The following RLIG1 variants were observed in gnomAD, a reference collection of about 807,000 sequenced individuals.
RLIG1 encodes RNA ligase 1.
chr12:88,043,633 A>G, the RLIG1 span: 1 of 1,612,460 alleles, frequency 6.2e-7, no homozygotes, highest in Non-Finnish European at 8.5e-7. Context: ...ACTTCAAACC[A>G]GCTCCGGAGT....
the RLIG1 span, among the ~76,000 whole-genome samples, chr12:88,040,795 G>T: frequency 9.4e-5 from 3 of 31,794 alleles, no homozygotes; most frequent in Non-Finnish European, 2.8e-4. Context: ...ACGGAAAAGA[G>T]ATTTTTTTTT....
the RLIG1 span, chr12:88,050,106 A>G: frequency 6.4e-6 from 2 of 312,368 alleles, no homozygotes; most frequent in East Asian, 1.3e-4. Flanking sequence ...ACTTAAGAAC[A>G]TACTAATGGC....
At chr12:88,049,845 AGTT>A in the RLIG1 span, 4 of 156,966 alleles carry the variant, frequency 2.5e-5, no homozygotes, top group African/African-American at 9.6e-5. Context: ...TTTTTTATAA[AGTT>A]ATTAATATGA....
the RLIG1 span, chr12:88,041,735 T>C: frequency 6.6e-6 from 1 of 152,234 alleles, no homozygotes; most frequent in Admixed American, 6.5e-5. Flanking sequence ...AATCTGGTTC[T>C]TCATATTATT....
chr12:88,038,678 A>G, the RLIG1 span, among the ~76,000 whole-genome samples: 2 of 152,278 alleles, frequency 1.3e-5, no homozygotes, highest in South Asian at 2.1e-4. Context: ...CAGATAATAT[A>G]TTTTCCTAAG....
chr12:88,046,993 C>A, the RLIG1 span: 1 of 1,584,764 alleles, frequency 6.3e-7, no homozygotes, highest in Non-Finnish European at 8.6e-7. Context: ...GCAAAAATAG[C>A]TCCGGTGGGG....
chr12:88,042,778 T>C, the RLIG1 span: 1 of 1,219,074 alleles, frequency 8.2e-7, no homozygotes, highest in Non-Finnish European at 1.1e-6. Context: ...TCTTTCAAGA[T>C]AAGTTTTGTT....
the RLIG1 span, among the ~76,000 whole-genome samples, chr12:88,037,842 T>C: frequency 6.6e-6 from 1 of 152,206 alleles, no homozygotes; most frequent in East Asian, 1.9e-4. Flanking sequence ...AGAAGTGGCA[T>C]AAGTCTTTTT....
chr12:88,049,402 T>A, the RLIG1 span: 1 of 1,459,958 alleles, frequency 6.8e-7, no homozygotes, highest in Non-Finnish European at 9.4e-7. Flanking sequence ...TTTTTCAGCT[T>A]CTTTATTTCC....
chr12:88,037,291 AGAGGGC>A, the RLIG1 span, among the ~76,000 whole-genome samples: 4 of 152,192 alleles, frequency 2.6e-5, no homozygotes, highest in Non-Finnish European at 4.4e-5. Flanking sequence ...CAGAAATTGT[AGAGGGC>A]CACTCAATTG....
the RLIG1 span, chr12:88,048,402 G>C: frequency 1.4e-6 from 2 of 1,462,750 alleles, no homozygotes; most frequent in Non-Finnish European, 1.9e-6. Flanking sequence ...TAGACTCAAA[G>C]ATATAATATT....
At chr12:88,038,186 A>G in the RLIG1 span, among the ~76,000 whole-genome samples, 36 of 152,300 alleles carry the variant, frequency 2.4e-4, no homozygotes, top group East Asian at 6.0e-3. Flanking sequence ...ACGGTATAAC[A>G]TCTCTAAGAT....
the RLIG1 span, among the ~76,000 whole-genome samples, chr12:88,036,706 A>G: frequency 6.6e-6 from 1 of 152,310 alleles, no homozygotes; most frequent in Admixed American, 6.5e-5. Context: ...CACAGCTGTT[A>G]CAGTTAATAT....
At chr12:88,046,348 A>G in the RLIG1 span, among the ~76,000 whole-genome samples, 2 of 152,150 alleles carry the variant, frequency 1.3e-5, no homozygotes, top group South Asian at 2.1e-4. Flanking sequence ...TAGTTAGACA[A>G]GTTATCAGAG....
At chr12:88,044,590 C>G in the RLIG1 span, 102 of 152,264 alleles carry the variant, frequency 6.7e-4, no homozygotes, top group African/African-American at 2.3e-3. Context: ...TAAGAACTAA[C>G]AGGAATGAAT....
chr12:88,035,894 TTCCGTACGCCCTGAGC>T, the RLIG1 span: 5 of 1,504,202 alleles, frequency 3.3e-6, no homozygotes, highest in African/African-American at 7.0e-5. Context: ...GGGGTGGGAG[TTCCGTACGCCCTGAGC>T]TCCAGGTTCT....
chr12:88,036,096 T>C, the RLIG1 span: 1 of 1,347,360 alleles, frequency 7.4e-7, no homozygotes, highest in South Asian at 1.2e-5. Context: ...GTCCAAGCTT[T>C]ACTACTTTTC....
chr12:88,047,237 G>A, the RLIG1 span, among the ~76,000 whole-genome samples: 2 of 152,114 alleles, frequency 1.3e-5, no homozygotes, highest in African/African-American at 4.8e-5. Flanking sequence ...AATTCATGTT[G>A]CACAGTAGTG....
At chr12:88,048,143 A>G in the RLIG1 span, 1 of 951,660 alleles carries the variant, frequency 1.1e-6, no homozygotes, top group Non-Finnish European at 1.5e-6. Context: ...AGTCTTACCC[A>G]GTACCTGGCA....
Sources: gnomAD v4.1 joint callset for allele counts (sites outside exome capture counted in the v4.1 genomes callset) on GRCh38, gnomAD v4.1.1 for gene constraint, MANE v1.5 for transcripts, NCBI Gene and HGNC (gene_info 2026-07-23, HGNC 2026-07-21) for gene names.